IGF1R: variants seen among roughly 807,000 people sequenced by gnomAD.
IGF1R encodes the protein insulin like growth factor 1 receptor.
A neutral mutation model predicts 144.6 loss-of-function variants in IGF1R; 44 were observed. The observed-to-expected ratio is 0.30, with a 90% CI of 0.24 to 0.39. The LOEUF (loss-of-function observed/expected upper bound fraction) is 0.39, where lower values mean the gene tolerates loss of function less well. IGF1R is among the 10% of genes least tolerant of loss of function. The pLI is 1.00. For synonymous variants in IGF1R, 795 were observed against 722.8 expected, an observed-to-expected ratio of 1.10 and a Z score of -1.60; for missense variants, 1,355 against 1,833.7, an observed-to-expected ratio of 0.74 and a Z score of 4.77.
intron 2 of IGF1R, among the ~76,000 whole-genome samples, chr15:98,845,534 T>A (rs1479441943): frequency 8.2e-6 from 1 of 121,946 alleles, no homozygotes; most frequent in Non-Finnish European, 1.7e-5. Context: ...TCCCCCTCCT[T>A]CCTCCTCCTC....
intron 2 of IGF1R, among the ~76,000 whole-genome samples, chr15:98,841,532 C>T (rs529368277): frequency 2.6e-4 from 39 of 152,264 alleles, no homozygotes; most frequent in Admixed American, 1.9e-3. Context: ...GGTCTCTGTC[C>T]ACCTGGCTTT....
intron 5 of IGF1R, among the ~76,000 whole-genome samples, chr15:98,907,118 G>A (rs1441453011): frequency 3.9e-5 from 6 of 152,214 alleles, no homozygotes; most frequent in Non-Finnish European, 1.5e-5. Context: ...AGGGATCTGC[G>A]CATGGCTGTG....
chr15:98,707,696 A>G lies in IGF1R; in HGVS notation c.229A>G (p.Lys77Glu). 1 of 1,614,024 alleles carries G rather than the reference A, an allele frequency of 6.2e-7. No homozygotes were observed. The highest frequency in any genetic ancestry group is 8.5e-7 in the Non-Finnish European group (1 of 1,180,006). The change falls in exon 2 of 21, where the codon AAG (lysine) becomes GAG (glutamate). Residue 77 changes from lysine (K) to glutamate (E), a missense_variant. By Grantham distance (56) the Lys-to-Glu change is moderately conservative. Transcript: ENST00000650285. This position sits in a 1 kb window ranked among gnomAD's most constrained non-coding sequence, Gnocchi z 6.7. ...GGACTACCGCAGCTACCGCTTCCCC[A>G]AGCTCACGGTCATTACCGAGTACTT... ...AEDYRSYRFP[K>E]LTVITEYLLL...
chr15:98,927,008 G>T (rs2015747742), intron 13 of IGF1R, among the ~76,000 whole-genome samples: 1 of 152,076 alleles, frequency 6.6e-6, no homozygotes, highest in African/African-American at 2.4e-5. Flanking sequence ...TAGTTTGGGG[G>T]TCTGTGATCT....
intron 18 of IGF1R, among the ~76,000 whole-genome samples, chr15:98,941,207 G>T (rs1029490914): frequency 6.6e-6 from 1 of 152,216 alleles, no homozygotes; most frequent in African/African-American, 2.4e-5. Context: ...ACCCCATGGG[G>T]TTATGAGAAG....
intron 2 of IGF1R, among the ~76,000 whole-genome samples, chr15:98,808,642 G>T (rs1036457563): frequency 6.6e-6 from 1 of 151,762 alleles, no homozygotes; most frequent in Non-Finnish European, 1.5e-5. Context: ...CTAGGTCCTC[G>T]CAGGGACTCT....
intron 20 of IGF1R, among the ~76,000 whole-genome samples, chr15:98,951,518 C>G (rs2016773313): frequency 6.6e-6 from 1 of 152,274 alleles, no homozygotes; most frequent in South Asian, 2.1e-4. Context: ...CATGTATTAT[C>G]TCTCAGAGGT....
intron 2 of IGF1R, among the ~76,000 whole-genome samples, chr15:98,811,786 C>T (rs1033166717): frequency 3.3e-5 from 5 of 151,612 alleles, no homozygotes; most frequent in African/African-American, 7.3e-5. Flanking sequence ...ATTCTCTGGG[C>T]GTGTTGGCGG....
At chr15:98,656,806 C>T (rs73473423) in intron 1 of IGF1R, among the ~76,000 whole-genome samples, 4,188 of 152,210 alleles carry the variant, frequency 0.028, 197 homozygotes, top group African/African-American at 0.094. Context: ...TCCATCCATC[C>T]GTCCATCGTC....
Position 98,714,672 on chromosome 15 carries a change from A to G in IGF1R, c.640+6565A>G, listed in dbSNP as rs367548987. On this transcript the variant is annotated intron_variant, in intron 2 of 20. Transcript: ENST00000650285. ...GAGAAAAAAAAAAAAAGATTTTGTA[A>G]CTAAGTTTTATGGCTAGCTTTGAGA... 3.8e-4 allele frequency among the ~76,000 whole-genome samples: 58 copies of G among 152,202 alleles called. 1 individual carries two copies. The South Asian group carries it at 0.012, about 32-fold the overall frequency.
At chr15:98,820,394 A>G (rs1401525234) in intron 2 of IGF1R, among the ~76,000 whole-genome samples, 2 of 152,224 alleles carry the variant, frequency 1.3e-5, no homozygotes, top group African/African-American at 4.8e-5. Context: ...AAACATTTCT[A>G]AAGGACGTTT....
chr15:98,708,715 C>T (rs541193045), intron 2 of IGF1R, among the ~76,000 whole-genome samples: 1 of 152,196 alleles, frequency 6.6e-6, no homozygotes, highest in Non-Finnish European at 1.5e-5. Flanking sequence ...GGACCCATTT[C>T]TGCAAGTCCC....
intron 1 of IGF1R, among the ~76,000 whole-genome samples, chr15:98,675,935 A>G (rs2053030640): frequency 7.0e-6 from 1 of 143,532 alleles, no homozygotes. Flanking sequence ...AAGTGATTCT[A>G]CTGCCTCAGC....
chr15:98,889,619 A>G (rs1362451138), intron 2 of IGF1R, among the ~76,000 whole-genome samples: 1 of 152,220 alleles, frequency 6.6e-6, no homozygotes, highest in Non-Finnish European at 1.5e-5. Flanking sequence ...AGCTTTCAGA[A>G]TGGCTTGTCT....
At chr15:98,790,166 G>A (rs1397980504) in intron 2 of IGF1R, among the ~76,000 whole-genome samples, 1 of 152,168 alleles carries the variant, frequency 6.6e-6, no homozygotes, top group Non-Finnish European at 1.5e-5. Flanking sequence ...TGCAGTGTGT[G>A]AGGTGGCCCA....
intron 2 of IGF1R, among the ~76,000 whole-genome samples, chr15:98,846,235 A>T (rs2011322632): frequency 6.6e-6 from 1 of 152,200 alleles, no homozygotes; most frequent in African/African-American, 2.4e-5. Flanking sequence ...ACATAAGCTG[A>T]CAATGCATTT....
chr15:98,812,854 C>G (rs2056619951), intron 2 of IGF1R, among the ~76,000 whole-genome samples: 1 of 152,192 alleles, frequency 6.6e-6, no homozygotes, highest in Non-Finnish European at 1.5e-5. Context: ...TCCAAGTTGG[C>G]TTGACTCCAG....
At chr15:98,731,623 C>G (rs2054498632) in intron 2 of IGF1R, among the ~76,000 whole-genome samples, 1 of 152,170 alleles carries the variant, frequency 6.6e-6, no homozygotes, top group Non-Finnish European at 1.5e-5. Flanking sequence ...CAAAGCGTAT[C>G]CCATTTCCCT....
intron 2 of IGF1R, among the ~76,000 whole-genome samples, chr15:98,794,268 A>G (rs929229142): frequency 2.0e-5 from 3 of 152,180 alleles, no homozygotes; most frequent in African/African-American, 7.2e-5. Context: ...CCTCAAAGGT[A>G]CTTTTCAGGT....
Sources: allele counts gnomAD v4.1 joint callset (sites outside exome capture counted in the v4.1 genomes callset), GRCh38; gene constraint gnomAD v4.1.1; non-coding constraint Gnocchi (gnomAD v3.1); transcripts MANE v1.5; gene names NCBI Gene and HGNC (gene_info 2026-07-23, HGNC 2026-07-21).